The following ACOXL variants were observed in gnomAD, a reference collection of about 807,000 sequenced individuals.
The protein encoded by ACOXL is acyl-coenzyme A oxidase-like protein.
Under a neutral mutation model 71.9 loss-of-function variants are expected in ACOXL, and 70 were observed. That is an observed-to-expected ratio of 0.97 (90% CI 0.80 to 1.19). ACOXL has a LOEUF of 1.19. ACOXL is among the 50% of genes most tolerant of loss of function. The pLI is 0.00. For synonymous variants in ACOXL, 253 were observed against 281.6 expected, an observed-to-expected ratio of 0.90 and a Z score of 1.02; for missense variants, 703 against 736.3, an observed-to-expected ratio of 0.95 and a Z score of 0.52.
At chr2:111,029,496 C>G (rs1477499988) in intron 14 of ACOXL, among the ~76,000 whole-genome samples, 2 of 152,068 alleles carry the variant, frequency 1.3e-5, no homozygotes, top group African/African-American at 4.8e-5. Flanking sequence ...AGAGCCTATA[C>G]TGCTCCTAGG....
At chr2:110,801,877 C>T (rs1050928806) in intron 8 of ACOXL, among the ~76,000 whole-genome samples, 153 bp downstream of exon 8, 2 of 152,154 alleles carry the variant, frequency 1.3e-5, no homozygotes, top group Non-Finnish European at 2.9e-5. Context: ...GGAAAAGATA[C>T]GTCTGCAGAT....
chr2:110,753,734 T>C (rs956662536), intron 1 of ACOXL, among the ~76,000 whole-genome samples: 3 of 152,244 alleles, frequency 2.0e-5, no homozygotes, highest in Non-Finnish European at 2.9e-5. Context: ...GATAAATACC[T>C]AGGAATGTAA....
chr2:110,897,968 CTG>C (rs200933812), intron 10 of ACOXL, among the ~76,000 whole-genome samples: 12 of 143,698 alleles, frequency 8.4e-5, no homozygotes, highest in Non-Finnish European at 1.7e-4. Flanking sequence ...AGGAACAACT[CTG>C]TAAACATAAA....
chr2:111,088,698 G>A (rs926297724), intron 16 of ACOXL, among the ~76,000 whole-genome samples: 1 of 152,078 alleles, frequency 6.6e-6, no homozygotes, highest in Non-Finnish European at 1.5e-5. Context: ...CTTGGTACAT[G>A]GGTGATGAAA....
chr2:111,047,465 C>G (rs1027545174), intron 15 of ACOXL, among the ~76,000 whole-genome samples: 2 of 152,194 alleles, frequency 1.3e-5, no homozygotes, highest in Admixed American at 6.5e-5. Flanking sequence ...AACCTAGCAC[C>G]TGAATTTGTA....
chr2:110,784,195 G>A (rs1220321059), intron 2 of ACOXL, among the ~76,000 whole-genome samples: 1 of 152,086 alleles, frequency 6.6e-6, no homozygotes, highest in Non-Finnish European at 1.5e-5. Context: ...GCTGAGCCAG[G>A]ATGATCGTTT....
chr2:110,818,738 T>C lies in ACOXL; in HGVS notation c.753+13343T>C, dbSNP rs560486605. ...CAGCTGGACTAAAGACATCTAAGCA[T>C]TGGAGGGTGGAACATAGAAATTCCT... On this transcript the variant is annotated intron_variant, in intron 9 of 17. Coordinates refer to ENST00000439055, the MANE Select transcript of ACOXL (RefSeq NM_001142807.4). 2.0e-5 allele frequency among the ~76,000 whole-genome samples: 3 copies of C among 152,180 alleles called. No homozygotes were observed. The East Asian group carries it at 5.8e-4, about 29-fold the overall frequency.
At chr2:111,079,888 T>A (rs1309064520) in intron 16 of ACOXL, among the ~76,000 whole-genome samples, 4 of 133,848 alleles carry the variant, frequency 3.0e-5, no homozygotes, top group African/African-American at 1.2e-4. Context: ...AAAAAAAAAA[T>A]CTTTGATTTC....
At chr2:111,024,454 A>G (rs1248207367) in intron 14 of ACOXL, among the ~76,000 whole-genome samples, 1 of 152,144 alleles carries the variant, frequency 6.6e-6, no homozygotes, top group Non-Finnish European at 1.5e-5. Context: ...AATGTTGGAG[A>G]CCACTGGCAA....
chr2:111,071,844 A>G lies in ACOXL; in HGVS notation c.1441-21021A>G, dbSNP rs77684986. Among the ~76,000 whole-genome samples the G allele has an allele frequency of 4.5e-3, 680 of 152,280 alleles. 11 individuals are homozygous for G. In the East Asian group the frequency reaches 0.047, roughly 11 times the overall value. Reference sequence around the variant, plus strand: ...GGAACCAAGGCTTTCAGTTCCACAAATGCACACTGAGCCCTGATGCCAGGC... The same window carrying G: ...GGAACCAAGGCTTTCAGTTCCACAAGTGCACACTGAGCCCTGATGCCAGGC... On this transcript the variant is annotated intron_variant, in intron 16 of 17. Coordinates refer to ENST00000439055, the MANE Select transcript of ACOXL (RefSeq NM_001142807.4).
chr2:110,968,776 A>C, intron 12 of ACOXL: 1 of 400,818 alleles, frequency 2.5e-6, no homozygotes, highest in Non-Finnish European at 4.2e-6. Flanking sequence ...ACTTATGGAC[A>C]GCAAAAAAAA....
chr2:110,968,161 C>T, intron 12 of ACOXL: 1 of 1,239,832 alleles, frequency 8.1e-7, no homozygotes, highest in Non-Finnish European at 1.2e-6. Flanking sequence ...CCGCAGGCTT[C>T]TCAATAGGTT....
intron 16 of ACOXL, among the ~76,000 whole-genome samples, chr2:111,069,293 A>T (rs2067226321): frequency 6.6e-6 from 1 of 151,896 alleles, no homozygotes; most frequent in Non-Finnish European, 1.5e-5. Context: ...CTGGGATTAC[A>T]GGTATGCGCC....
intron 9 of ACOXL, among the ~76,000 whole-genome samples, chr2:110,837,451 TA>T (rs143556400): frequency 0.017 from 2,577 of 152,220 alleles, 181 homozygotes; most frequent in East Asian, 0.11. Flanking sequence ...ATAATGTGTT[TA>T]AAAAATGTGT....
At chr2:110,976,120 A>G (rs564082568) in intron 12 of ACOXL, among the ~76,000 whole-genome samples, 67 of 152,334 alleles carry the variant, frequency 4.4e-4, no homozygotes, top group Admixed American at 4.1e-3. Flanking sequence ...TCAGAACATC[A>G]AGCAAGGACA....
intron 2 of ACOXL, among the ~76,000 whole-genome samples, chr2:110,770,353 C>T (rs1681739679): frequency 6.6e-6 from 1 of 152,200 alleles, no homozygotes. Flanking sequence ...TCCCACCAAC[C>T]TTTGGTAGGT....
intron 10 of ACOXL, among the ~76,000 whole-genome samples, chr2:110,857,282 T>C (rs1415359275): frequency 1.3e-5 from 2 of 152,230 alleles, no homozygotes; most frequent in African/African-American, 2.4e-5. Context: ...TTTTCCCATA[T>C]GTCATTTTTT....
intron 12 of ACOXL, among the ~76,000 whole-genome samples, chr2:110,951,750 T>C (rs2061341116): frequency 6.6e-6 from 1 of 152,234 alleles, no homozygotes; most frequent in Non-Finnish European, 1.5e-5. Context: ...CACATTTTCT[T>C]CCTTTTAATC....
At chr2:110,895,667 T>C (rs562252620) in intron 10 of ACOXL, among the ~76,000 whole-genome samples, 5 of 148,376 alleles carry the variant, frequency 3.4e-5, no homozygotes, top group Non-Finnish European at 7.5e-5. Context: ...TTGAAAACAA[T>C]AGAGAGAGAG....
Sources: allele counts gnomAD v4.1 joint callset (sites outside exome capture counted in the v4.1 genomes callset), GRCh38; gene constraint gnomAD v4.1.1; transcripts MANE v1.5; gene names NCBI Gene and HGNC (gene_info 2026-07-23, HGNC 2026-07-21).